ZNF385C: variants seen among roughly 807,000 people sequenced by gnomAD.
ZNF385C encodes the protein CTD-2132N18.2.
In ZNF385C, 28 loss-of-function variants were observed where a neutral mutation model predicts 35.4. The ratio of observed to expected loss-of-function variants is 0.79; its 90% CI spans 0.59 to 1.08. The LOEUF is 1.08. ZNF385C is among the 50% of genes least tolerant of loss of function. ZNF385C has a pLI of 0.00. For synonymous variants in ZNF385C, 248 were observed against 248.2 expected (o/e 1.00, Z 0.01); for missense variants, 605 against 595.6 (o/e 1.02, Z -0.16).
intron 2 of ZNF385C, among the ~76,000 whole-genome samples, chr17:42,057,471 G>T (rs1033643707): frequency 6.8e-5 from 10 of 147,460 alleles, no homozygotes; most frequent in Admixed American, 2.7e-4. Context: ...AGTTGTCAGA[G>T]AATCACTTAA....
chr17:42,041,068 G>A, intron 2 of ZNF385C: 1 of 1,232,338 alleles, frequency 8.1e-7, no homozygotes, highest in African/African-American at 1.5e-5. Context: ...CACTGAAGTG[G>A]CAAACAGGGC....
chr17:42,096,728 G>A (rs1243712716), intron 1 of ZNF385C, among the ~76,000 whole-genome samples: 4 of 152,166 alleles, frequency 2.6e-5, no homozygotes, highest in Non-Finnish European at 4.4e-5. Flanking sequence ...CCAAGCCAGA[G>A]CTTGTTCCAC....
intron 1 of ZNF385C, among the ~76,000 whole-genome samples, chr17:42,097,851 C>T (rs1555661089): frequency 6.6e-6 from 1 of 152,192 alleles, no homozygotes; most frequent in Admixed American, 6.5e-5. Context: ...TTTCCGGGTT[C>T]CCTAGGCCAT....
At chr17:42,080,319 G>C (rs1555659625) in intron 1 of ZNF385C, among the ~76,000 whole-genome samples, 1 of 152,156 alleles carries the variant, frequency 6.6e-6, no homozygotes, top group African/African-American at 2.4e-5. Context: ...GGGAAGGAAA[G>C]GCCCTGACTA....
At chr17:42,089,630 T>C (rs1467144678) in intron 1 of ZNF385C, among the ~76,000 whole-genome samples, 2 of 152,222 alleles carry the variant, frequency 1.3e-5, no homozygotes, top group Non-Finnish European at 2.9e-5. Flanking sequence ...GAATCAAATC[T>C]TGACCACGAA....
At position 42,026,809 on chromosome 17, in the gene ZNF385C, C is replaced by T. The variant is rs2052587915; in HGVS notation, c.*88G>A. On this transcript the variant is annotated 3_prime_UTR_variant, in exon 9 of 9. Coordinates refer to ENST00000692273, the MANE Select transcript of ZNF385C (RefSeq NM_001392013.1). ...GGACCCCTGAAGCTGTTCACAGTCC[C>T]TGTGGCATGTAGGAAACCAAGGTGT... 1 of 1,302,114 alleles carries T rather than the reference C, an allele frequency of 7.7e-7. No homozygotes were observed. Among genetic ancestry groups the T allele is most frequent in the Non-Finnish European group, 1.1e-6 (1 of 919,974 alleles). The allele number at this position is 1,302,114 out of a possible 1,614,324, so 80.7% of individuals were successfully genotyped here. A position where few individuals can be genotyped will look rare whatever the true frequency, so the allele number is the denominator to read the frequency against.
At chr17:42,032,660 C>T (rs1439380862) in intron 4 of ZNF385C, among the ~76,000 whole-genome samples, 3 of 151,966 alleles carry the variant, frequency 2.0e-5, no homozygotes, top group African/African-American at 4.8e-5. Context: ...GCACTGTGCC[C>T]GGGGTCCGGC....
At chr17:42,027,229 C>T (rs1199920650) in intron 8 of ZNF385C, 96 bp from the exon 9 acceptor site, 3 of 1,181,300 alleles carry the variant, frequency 2.5e-6, no homozygotes, top group African/African-American at 1.5e-5. Flanking sequence ...GCAGGGAAAG[C>T]GTGCCTTTTA....
At chr17:42,092,536 T>C (rs1298181268) in intron 1 of ZNF385C, among the ~76,000 whole-genome samples, 2 of 152,120 alleles carry the variant, frequency 1.3e-5, no homozygotes, top group African/African-American at 4.8e-5. Context: ...GTTCTGGAGA[T>C]GGATTCTTAC....
intron 1 of ZNF385C, among the ~76,000 whole-genome samples, chr17:42,081,045 G>A (rs113989501): frequency 1.7e-3 from 265 of 152,324 alleles, no homozygotes; most frequent in African/African-American, 5.7e-3. Context: ...GTAGGGGGTC[G>A]ATAAATTCAC....
intron 8 of ZNF385C, 101 bp downstream of exon 8, chr17:42,027,517 G>T: frequency 1.0e-6 from 1 of 986,804 alleles, no homozygotes. Flanking sequence ...ATTGCAGGGT[G>T]GCCTCTTTTC....
At chr17:42,077,936 G>C (rs1555659396) in intron 1 of ZNF385C, among the ~76,000 whole-genome samples, 1 of 152,068 alleles carries the variant, frequency 6.6e-6, no homozygotes, top group Admixed American at 6.5e-5. Flanking sequence ...GCTCCCCACT[G>C]GTTGCAAATC....
chr17:42,027,116 C>T lies in ZNF385C; in HGVS notation c.1293G>A (p.Gln431=), dbSNP rs781985164. 3 of 1,613,534 alleles carry T rather than the reference C, an allele frequency of 1.9e-6. No homozygotes were observed. Among genetic ancestry groups the T allele is most frequent in the Non-Finnish European group, 2.5e-6 (3 of 1,179,856 alleles). ...VSILKSKLAL[Q]KQLTKTLAAR... ...CTGCCAACGTCTTGGTGAGTTGCTT[C>T]TGCAAGGCCAGTTTAGACTACACGG... Residue 431 remains glutamine (Q), a synonymous_variant, in exon 9 of 9, where the codon CAG becomes CAA. Transcript: ENST00000692273.
intron 1 of ZNF385C, among the ~76,000 whole-genome samples, chr17:42,068,303 C>A (rs2053576801): frequency 6.6e-6 from 1 of 152,188 alleles, no homozygotes; most frequent in Non-Finnish European, 1.5e-5. Flanking sequence ...ACCTAGTCCA[C>A]ATGCTGCCTT....
At chr17:42,076,836 G>A (rs2053691539) in intron 1 of ZNF385C, among the ~76,000 whole-genome samples, 1 of 152,136 alleles carries the variant, frequency 6.6e-6, no homozygotes, top group Admixed American at 6.5e-5. Context: ...GGGTGAAGAG[G>A]AAGAACAAAT....
chr17:42,054,009 G>C (rs747839097), intron 2 of ZNF385C, among the ~76,000 whole-genome samples: 1 of 152,198 alleles, frequency 6.6e-6, no homozygotes, highest in Non-Finnish European at 1.5e-5. Flanking sequence ...CCTGGGCCCT[G>C]TCTCTCTTTG....
intron 1 of ZNF385C, among the ~76,000 whole-genome samples, chr17:42,074,643 C>A (rs1397701914): frequency 4.6e-5 from 7 of 152,242 alleles, no homozygotes; most frequent in African/African-American, 1.7e-4. Flanking sequence ...CCCGCCTCGG[C>A]CTCCCAAAGT....
chr17:42,033,828 G>T (rs2052782487), intron 4 of ZNF385C, among the ~76,000 whole-genome samples: 1 of 152,136 alleles, frequency 6.6e-6, no homozygotes. Flanking sequence ...TATTTAAGGG[G>T]ATGGGCATGA....
Position 42,040,484 on chromosome 17 carries a change from C to T in ZNF385C, c.251-2599G>A, listed in dbSNP as rs1455157731. On this transcript the variant is annotated intron_variant, in intron 2 of 8. Transcript: ENST00000692273. ...AAGTCCGGCTCTTCTGCCTGCAGGA[C>T]AAGGGAGAGCTTCTGCACAGAGGGC... 4 of 1,232,240 alleles carry T rather than the reference C, an allele frequency of 3.2e-6. No homozygotes were observed. The East Asian group carries it at 9.5e-5, about 29-fold the overall frequency. The allele number at this position is 1,232,240 out of a possible 1,614,324, so 76.3% of individuals were successfully genotyped here.
Sources: gnomAD v4.1 joint callset for allele counts (sites outside exome capture counted in the v4.1 genomes callset) on GRCh38, gnomAD v4.1.1 for gene constraint, MANE v1.5 for transcripts, NCBI Gene and HGNC (gene_info 2026-07-23, HGNC 2026-07-21) for gene names.